The following DMD variants were observed in gnomAD, a reference collection of about 807,000 sequenced individuals.
DMD encodes mutant dystrophin.
A neutral mutation model predicts 330.1 loss-of-function variants in DMD; 63 were observed. The observed-to-expected ratio is 0.19, with a 90% CI of 0.16 to 0.24. The LOEUF is 0.24. DMD is among the 10% of genes least tolerant of loss of function. The pLI is 1.00. For synonymous variants in DMD, 1,223 were observed against 959.8 expected, an observed-to-expected ratio of 1.27 and a Z score of -5.07; for missense variants, 3,344 against 2,684.1, an observed-to-expected ratio of 1.25 and a Z score of -5.43.
At chrX:32,306,827 A>G (rs1024040456) in intron 42 of DMD, among the ~76,000 whole-genome samples, 12 of 111,155 alleles carry the variant, frequency 1.1e-4, no homozygotes, top group African/African-American at 3.9e-4. Context: ...CTTCAGGTGA[A>G]GACATTCTGC....
intron 2 of DMD, among the ~76,000 whole-genome samples, chrX:32,955,031 G>A (rs777788346): frequency 8.9e-6 from 1 of 111,744 alleles, no homozygotes; most frequent in Non-Finnish European, 1.9e-5. Context: ...GTAATAGAAC[G>A]ATTTATATTC....
intron 2 of DMD, among the ~76,000 whole-genome samples, chrX:32,855,945 G>A (rs1190700047): frequency 9.0e-6 from 1 of 111,167 alleles, no homozygotes; most frequent in Admixed American, 9.5e-5. Context: ...ATCTATAAGG[G>A]GCTCAAACAA....
intron 2 of DMD, among the ~76,000 whole-genome samples, chrX:33,010,058 G>A (rs1343657497): frequency 2.3e-5 from 2 of 85,506 alleles, no homozygotes; most frequent in Non-Finnish European, 4.6e-5. Context: ...GTATATATAC[G>A]TGTATATATA....
chrX:32,346,712 C>G (rs890832130), intron 38 of DMD, among the ~76,000 whole-genome samples: 9 of 111,512 alleles, frequency 8.1e-5, no homozygotes, highest in African/African-American at 2.9e-4. Flanking sequence ...TAAATACGAT[C>G]AAATAATACT....
chrX:31,831,002 A>G (rs1377683909), intron 49 of DMD, among the ~76,000 whole-genome samples: 2 of 112,346 alleles, frequency 1.8e-5, no homozygotes, highest in African/African-American at 6.5e-5. Flanking sequence ...GAAAGCATCT[A>G]ATCCAGAAAT....
At chrX:31,851,165 A>G (rs968801737) in intron 48 of DMD, among the ~76,000 whole-genome samples, 5 of 111,402 alleles carry the variant, frequency 4.5e-5, no homozygotes, top group Non-Finnish European at 9.4e-5. Flanking sequence ...AGACCACTGC[A>G]ACACAGCTCT....
chrX:33,009,307 CATGTGTGTATATGTGTAT>C lies in DMD; in HGVS notation c.93+10814_93+10831del, dbSNP rs2093532835. On this transcript the variant is annotated intron_variant, in intron 2 of 78. Transcript: ENST00000357033. ...GTATGTGTGTATATGTGTATATACA[CATGTGTGTATATGTGTAT>C]ATGTGTATATACACGTGTATATACA... Among the ~76,000 whole-genome samples, 9 of 24,623 alleles carry C rather than the reference CATGTGTGTATATGTGTAT, an allele frequency of 3.7e-4. 4 individuals carry two copies. Among genetic ancestry groups the C allele is most frequent in the African/African-American group, 8.0e-4 (5 of 6,232 alleles). The allele number at this position is 24,623 out of a possible 115,157, so 21.4% of individuals were successfully genotyped here. A position where few individuals can be genotyped will look rare whatever the true frequency, so the allele number is the denominator to read the frequency against.
chrX:32,300,479 C>G (rs2097518351), intron 42 of DMD, among the ~76,000 whole-genome samples: 1 of 111,021 alleles, frequency 9.0e-6, no homozygotes, highest in African/African-American at 3.3e-5. Context: ...ACAAAAAGAA[C>G]AACAAAAAAA....
At chrX:32,428,361 A>C (rs957734973) in intron 29 of DMD, among the ~76,000 whole-genome samples, 1 of 111,785 alleles carries the variant, frequency 8.9e-6, no homozygotes, top group Non-Finnish European at 1.9e-5. Context: ...ATAATACCAA[A>C]TATGTGAAAT....
At chrX:33,077,362 G>A (rs990015709) in intron 1 of DMD, among the ~76,000 whole-genome samples, 11 of 111,905 alleles carry the variant, frequency 9.8e-5, no homozygotes, top group South Asian at 3.7e-4. Context: ...GCAAGATGGA[G>A]TCAGTTAAGT....
At chrX:32,410,230 T>C (rs1352979267) in intron 30 of DMD, among the ~76,000 whole-genome samples, 1 of 111,390 alleles carries the variant, frequency 9.0e-6, no homozygotes, top group African/African-American at 3.3e-5. Flanking sequence ...ATATTTACTC[T>C]TGTTGCCCAG....
intron 7 of DMD, among the ~76,000 whole-genome samples, chrX:32,729,037 A>G (rs1381841604): frequency 8.9e-6 from 1 of 112,325 alleles, no homozygotes; most frequent in Admixed American, 9.5e-5. Flanking sequence ...CACAGAGCTT[A>G]CAGTACAGCA....
chrX:33,028,730 C>CT (rs1160902745), intron 1 of DMD, among the ~76,000 whole-genome samples: 4 of 108,019 alleles, frequency 3.7e-5, no homozygotes, highest in Non-Finnish European at 5.7e-5. Context: ...TATGTGTAGG[C>CT]TTTTTTCTAA....
intron 42 of DMD, among the ~76,000 whole-genome samples, chrX:32,303,574 C>T (rs767052749): frequency 9.0e-6 from 1 of 110,979 alleles, no homozygotes; most frequent in South Asian, 3.7e-4. Flanking sequence ...TAGCTTTAAG[C>T]AGTTTTAGGT....
At chrX:32,064,144 C>CTT (rs988868487) in intron 44 of DMD, among the ~76,000 whole-genome samples, 1 of 111,187 alleles carries the variant, frequency 9.0e-6, no homozygotes, top group Non-Finnish European at 1.9e-5. Context: ...CCAATTGACT[C>CTT]TTTAATATAT....
At chrX:32,277,534 C>A (rs1424544674) in intron 43 of DMD, among the ~76,000 whole-genome samples, 1 of 111,520 alleles carries the variant, frequency 9.0e-6, no homozygotes, top group African/African-American at 3.3e-5. Context: ...CTTCTCAGCA[C>A]ACAGATTATT....
Position 32,585,614 on chromosome X carries a change from G to A in DMD, c.1602+10143C>T, listed in dbSNP as rs1401783385. 2.5e-4 allele frequency among the ~76,000 whole-genome samples: 24 copies of A among 97,502 alleles called. 1 individual carries two copies. The highest frequency in any genetic ancestry group is 4.8e-4 in the Non-Finnish European group (24 of 49,696). The allele number at this position is 97,502 out of a possible 115,157, so 84.7% of individuals were successfully genotyped here. Reference sequence around the variant, plus strand: ...ACTCGGGAGTCTGAGGTAGGAGAATGGCATGAACCCGGGAGGCAGAGCTTA... The same window carrying A: ...ACTCGGGAGTCTGAGGTAGGAGAATAGCATGAACCCGGGAGGCAGAGCTTA... On this transcript the variant is annotated intron_variant, in intron 13 of 78. Coordinates refer to ENST00000357033, the MANE Select transcript of DMD (RefSeq NM_004006.3).
At chrX:31,641,073 C>T (rs1019301049) in intron 54 of DMD, among the ~76,000 whole-genome samples, 1 of 112,162 alleles carries the variant, frequency 8.9e-6, no homozygotes, top group African/African-American at 3.2e-5. Flanking sequence ...AGATAGAAGA[C>T]ATGTTGTAAC....
At chrX:32,195,877 G>T (rs1025724195) in intron 44 of DMD, among the ~76,000 whole-genome samples, 3 of 111,679 alleles carry the variant, frequency 2.7e-5, no homozygotes, top group Non-Finnish European at 1.9e-5. Flanking sequence ...TGCCATACTT[G>T]CTGGAAATAG....
Sources: allele counts gnomAD v4.1 joint callset (sites outside exome capture counted in the v4.1 genomes callset), GRCh38; gene constraint gnomAD v4.1.1; transcripts MANE v1.5; gene names NCBI Gene and HGNC (gene_info 2026-07-23, HGNC 2026-07-21).